Variants in HOOK3 observed in about 807,000 individuals in gnomAD.
HOOK3 encodes the protein protein Hook homolog 3.
In HOOK3, 24 loss-of-function variants were observed where a neutral mutation model predicts 116.3. The observed-to-expected ratio is 0.21, with a 90% CI of 0.15 to 0.29. HOOK3 has a LOEUF of 0.29. Among genes scored for constraint, HOOK3 ranks in the 10% least tolerant of loss-of-function variants. The pLI, the probability that HOOK3 is intolerant of heterozygous loss-of-function variation, is 1.00. For missense variants in HOOK3, 632 were observed against 830.2 expected (o/e 0.76, Z 2.93); for synonymous variants, 275 against 283.0 (o/e 0.97, Z 0.28).
Position 43,002,262 on chromosome 8 carries a change from A to G in HOOK3, c.1655+121A>G, listed in dbSNP as rs1809395519. 3 of 673,956 alleles carry G rather than the reference A, an allele frequency of 4.5e-6. No homozygotes were observed. In the East Asian group the frequency reaches 8.2e-5, roughly 18 times the overall value. The allele number at this position is 673,956 out of a possible 1,614,324, so 41.7% of individuals were successfully genotyped here. On this transcript the variant is annotated intron_variant, in intron 17 of 21. Coordinates refer to ENST00000307602, the MANE Select transcript of HOOK3 (RefSeq NM_032410.4). ...GCCCTTGAAGAAATAGAAAATTATAATACATATTATGAGAGTCTGAAGGGT... is the reference window on the plus strand; with the variant it reads ...GCCCTTGAAGAAATAGAAAATTATAGTACATATTATGAGAGTCTGAAGGGT...
chr8:43,026,638 C>T lies in HOOK3; in HGVS notation c.*8140C>T, dbSNP rs1809937718. On this transcript the variant is annotated 3_prime_UTR_variant, in exon 22 of 22. Transcript: ENST00000307602. ...TACAGTTAATCAGAAGATGTTCTTA[C>T]CTTTGGTTTGCCTGCCTCCTGAAAC... is the stretch of plus-strand genomic sequence containing the variant. 1 of 220,098 alleles carries T rather than the reference C, an allele frequency of 4.5e-6. No individual in the cohort carries two copies. The highest frequency in any genetic ancestry group is 9.1e-6 in the Non-Finnish European group (1 of 109,852). The allele number at this position is 220,098 out of a possible 1,614,324, so 13.6% of individuals were successfully genotyped here.
chr8:42,992,358 C>G (rs559046198), intron 15 of HOOK3, among the ~76,000 whole-genome samples: 6 of 145,970 alleles, frequency 4.1e-5, no homozygotes, highest in Non-Finnish European at 8.9e-5. Context: ...TGAGATCATG[C>G]CACTGCACTC....
intron 3 of HOOK3, among the ~76,000 whole-genome samples, chr8:42,927,336 A>G (rs911590573): frequency 8.9e-5 from 13 of 145,848 alleles, no homozygotes; most frequent in Non-Finnish European, 1.6e-4. Flanking sequence ...GGCTCGCTGC[A>G]ACCTCCGCCT....
At chr8:43,017,792 TCTC>T (rs1283646078) in intron 21 of HOOK3, among the ~76,000 whole-genome samples, 8 of 152,068 alleles carry the variant, frequency 5.3e-5, no homozygotes, top group Admixed American at 1.3e-4. Context: ...AGGCGATCCT[TCTC>T]CTGTCTTCAA....
At chr8:42,987,781 TCTTTTC>T (rs1399388363) in intron 15 of HOOK3, among the ~76,000 whole-genome samples, 1 of 152,236 alleles carries the variant, frequency 6.6e-6, no homozygotes, top group Non-Finnish European at 1.5e-5. Flanking sequence ...GTCTTTTTGT[TCTTTTC>T]CTTTTTGGAA....
intron 17 of HOOK3, among the ~76,000 whole-genome samples, chr8:43,006,711 G>A (rs749181144): frequency 6.6e-6 from 1 of 152,070 alleles, no homozygotes; most frequent in African/African-American, 2.4e-5. Flanking sequence ...TTTGTCATAG[G>A]TCATAAATGC....
Position 43,022,102 on chromosome 8 carries a change from A to AT in HOOK3, c.*3604_*3605insT, listed in dbSNP as rs1809841471. 1 of 201,906 alleles carries AT rather than the reference A, an allele frequency of 5.0e-6. No individual in the cohort carries two copies. Among genetic ancestry groups the AT allele is most frequent in the East Asian group, 7.6e-5 (1 of 13,110 alleles). The allele number at this position is 201,906 out of a possible 1,614,324, so 12.5% of individuals were successfully genotyped here. A position where few individuals can be genotyped will look rare whatever the true frequency, so the allele number is the denominator to read the frequency against. On this transcript the variant is annotated 3_prime_UTR_variant, in exon 22 of 22. Coordinates refer to ENST00000307602, the MANE Select transcript of HOOK3 (RefSeq NM_032410.4). ...GGCTGTTGTAAAAAAAAAAAAAAAA[A>AT]AAACTTCTGAATATACTTTAGGTAT... is the stretch of plus-strand genomic sequence containing the variant.
chr8:42,996,221 A>G (rs1563310431), intron 15 of HOOK3, among the ~76,000 whole-genome samples: 1 of 152,040 alleles, frequency 6.6e-6, no homozygotes. Context: ...CCCCGTCTCT[A>G]CTAAAAATAC....
chr8:42,958,600 T>G (rs1004171429), intron 7 of HOOK3, among the ~76,000 whole-genome samples: 7 of 149,096 alleles, frequency 4.7e-5, no homozygotes, highest in Admixed American at 2.7e-4. Flanking sequence ...TTGATAGTTT[T>G]TTTTTTTTTT....
intron 16 of HOOK3, among the ~76,000 whole-genome samples, chr8:43,001,432 AAATTTATT>A: frequency 6.6e-6 from 1 of 152,284 alleles, no homozygotes; most frequent in Admixed American, 6.5e-5. Context: ...ATGTTCCATA[AAATTTATT>A]AATAGTATAT....
intron 9 of HOOK3, 122 bp downstream of exon 9, chr8:42,964,596 G>A: frequency 2.5e-6 from 2 of 807,310 alleles, no homozygotes; most frequent in Non-Finnish European, 3.8e-6. Flanking sequence ...GGAGGCTGAG[G>A]CGGGCTGATC....
chr8:42,997,332 A>G (rs1809297784), intron 15 of HOOK3, among the ~76,000 whole-genome samples: 1 of 152,232 alleles, frequency 6.6e-6, no homozygotes, highest in South Asian at 2.1e-4. Flanking sequence ...TGCCCACCCA[A>G]ACACTGTGTT....
At chr8:42,996,955 G>T (rs1186589111) in intron 15 of HOOK3, among the ~76,000 whole-genome samples, 2 of 128,498 alleles carry the variant, frequency 1.6e-5, no homozygotes, top group African/African-American at 5.8e-5. Context: ...TGCCCAGACT[G>T]GAGTGCAGTG....
intron 17 of HOOK3, among the ~76,000 whole-genome samples, chr8:43,005,581 G>T (rs917753731): frequency 6.6e-6 from 1 of 151,940 alleles, no homozygotes; most frequent in Admixed American, 6.6e-5. Context: ...AATTTAATGA[G>T]AATGATTCAA....
intron 2 of HOOK3, among the ~76,000 whole-genome samples, chr8:42,921,524 A>G (rs1807657390): frequency 1.3e-5 from 2 of 152,204 alleles, no homozygotes; most frequent in Admixed American, 1.3e-4. Context: ...AGCAAAGAGA[A>G]CACTTTTGGG....
chr8:43,007,346 A>T (rs1809513076), intron 17 of HOOK3, among the ~76,000 whole-genome samples: 1 of 152,148 alleles, frequency 6.6e-6, no homozygotes, highest in South Asian at 2.1e-4. Flanking sequence ...CTAGCCACAC[A>T]GCTGATCTGT....
chr8:42,943,768 TAC>T (rs1808172908), intron 5 of HOOK3, among the ~76,000 whole-genome samples: 1 of 152,198 alleles, frequency 6.6e-6, no homozygotes, highest in South Asian at 2.1e-4. Flanking sequence ...AGCAGAGACA[TAC>T]AGCAGTTTAA....
At chr8:42,991,270 C>A (rs1809155125) in intron 15 of HOOK3, among the ~76,000 whole-genome samples, 1 of 151,652 alleles carries the variant, frequency 6.6e-6, no homozygotes. Context: ...TTTGGTTATT[C>A]TGGGTATTCT....
chr8:42,903,761 C>G (rs1198000794), intron 1 of HOOK3, among the ~76,000 whole-genome samples: 3 of 151,566 alleles, frequency 2.0e-5, no homozygotes, highest in African/African-American at 7.3e-5. Flanking sequence ...TGAGGACATC[C>G]TGGCCAACAC....
Sources: allele counts gnomAD v4.1 joint callset (sites outside exome capture counted in the v4.1 genomes callset), GRCh38; gene constraint gnomAD v4.1.1; transcripts MANE v1.5; gene names NCBI Gene and HGNC (gene_info 2026-07-23, HGNC 2026-07-21).